The following THRB variants were observed in gnomAD, a reference collection of about 807,000 sequenced individuals.
THRB encodes thyroid hormone receptor beta.
In THRB, 12 loss-of-function variants were observed where a neutral mutation model predicts 47.8. The observed-to-expected ratio is 0.25, with a 90% CI of 0.16 to 0.41. The LOEUF (loss-of-function observed/expected upper bound fraction) is 0.41. THRB is among the 10% of genes least tolerant of loss of function. THRB has a pLI of 1.00. For missense variants in THRB, 348 were observed against 589.2 expected (o/e 0.59, Z 4.24); for synonymous variants, 218 against 212.2 (o/e 1.03, Z -0.24).
chr3:24,135,682 A>C (rs985541574), intron 8 of THRB, among the ~76,000 whole-genome samples: 1 of 151,922 alleles, frequency 6.6e-6, no homozygotes, highest in African/African-American at 2.4e-5. Flanking sequence ...CAGCCTTCAG[A>C]TATCCCTGCT....
chr3:24,338,796 A>G (rs948306017), intron 1 of THRB, among the ~76,000 whole-genome samples: 2 of 152,210 alleles, frequency 1.3e-5, no homozygotes, highest in Non-Finnish European at 2.9e-5. Context: ...TGACTTGCTT[A>G]TTACTAATTT....
intron 1 of THRB, among the ~76,000 whole-genome samples, chr3:24,389,020 A>G (rs1381145757): frequency 6.6e-6 from 1 of 152,190 alleles, no homozygotes; most frequent in Non-Finnish European, 1.5e-5. Context: ...ATAACTGAGT[A>G]GTATCTATTC....
At chr3:24,379,463 T>C (rs2065534419) in intron 1 of THRB, among the ~76,000 whole-genome samples, 1 of 152,120 alleles carries the variant, frequency 6.6e-6, no homozygotes, top group South Asian at 2.1e-4. Context: ...CTAAGTCTGC[T>C]CAAAGTAGAA....
At chr3:24,446,783 C>T (rs2072132334) in intron 1 of THRB, among the ~76,000 whole-genome samples, 1 of 152,072 alleles carries the variant, frequency 6.6e-6, no homozygotes, top group Non-Finnish European at 1.5e-5. Flanking sequence ...GAATCATGGT[C>T]CTCAGAGATG....
At position 24,120,398 on chromosome 3, in the gene THRB, G is replaced by T. The variant is rs1008482115; in HGVS notation, c.*2486C>A. The stretch of plus-strand genomic sequence containing the variant: ...ATGCCATACTATTTGGCCAATTCTC[G>T]ATCATGGTTAGTCCCCAAAGCATTC... On this transcript the variant is annotated 3_prime_UTR_variant, in exon 11 of 11. Transcript: ENST00000646209. 6.6e-6 allele frequency: 1 copy of T among 152,186 alleles called. No individual in the cohort carries two copies. Among genetic ancestry groups the T allele is most frequent in the Non-Finnish European group, 1.5e-5 (1 of 68,044 alleles). The allele number at this position is 152,186 out of a possible 1,614,324, so 9.4% of individuals were successfully genotyped here.
chr3:24,295,572 G>C lies in THRB; in HGVS notation c.-43+1654C>G, dbSNP rs2056375668. The stretch of plus-strand genomic sequence containing the variant: ...ACAATTATTGTGCCAGGAGTTTTTT[G>C]CTTGCAAATTTTATTTCAGTAAGTT... On this transcript the variant is annotated intron_variant, in intron 3 of 10. Coordinates refer to ENST00000646209, the MANE Select transcript of THRB (RefSeq NM_001354712.2). Among the ~76,000 whole-genome samples the C allele has an allele frequency of 2.6e-5, 4 of 152,054 alleles. No individual in the cohort carries two copies. The South Asian group carries it at 8.3e-4, about 32-fold the overall frequency.
chr3:24,443,726 T>G (rs1331222898), intron 1 of THRB, among the ~76,000 whole-genome samples: 1 of 152,192 alleles, frequency 6.6e-6, no homozygotes, highest in Non-Finnish European at 1.5e-5. Flanking sequence ...CAAAAGAAAC[T>G]ATGATACTCC....
intron 2 of THRB, among the ~76,000 whole-genome samples, chr3:24,307,976 C>A (rs1289900852): frequency 6.6e-6 from 1 of 152,154 alleles, no homozygotes; most frequent in Non-Finnish European, 1.5e-5. Flanking sequence ...GCCATCGCTG[C>A]AGCCTCTGTG....
chr3:24,231,451 A>G (rs1302803711), intron 3 of THRB, among the ~76,000 whole-genome samples: 2 of 151,608 alleles, frequency 1.3e-5, no homozygotes, highest in African/African-American at 4.9e-5. Flanking sequence ...TTTGGTACCA[A>G]TTTTTCTGTT....
intron 1 of THRB, among the ~76,000 whole-genome samples, chr3:24,478,792 A>G (rs6792725): frequency 0.71 from 107,565 of 152,056 alleles, 39,314 homozygotes; most frequent in African/African-American, 0.87. Flanking sequence ...CATGATGAAA[A>G]AGCAGCTATA....
chr3:24,407,084 A>G (rs1473936181), intron 1 of THRB, among the ~76,000 whole-genome samples: 1 of 151,848 alleles, frequency 6.6e-6, no homozygotes, highest in Non-Finnish European at 1.5e-5. Flanking sequence ...GAGAAAACAA[A>G]CTTTGGCAGT....
Position 24,360,669 on chromosome 3 carries a change from G to A in THRB, c.-260-23298C>T, listed in dbSNP as rs944755860. Among the ~76,000 whole-genome samples the A allele has an allele frequency of 2.4e-4, 36 of 152,194 alleles. No individual in the cohort carries two copies. The Middle Eastern group carries it at 0.014, about 58-fold the overall frequency. On this transcript the variant is annotated intron_variant, in intron 1 of 10. Coordinates refer to ENST00000646209, the MANE Select transcript of THRB (RefSeq NM_001354712.2). ...CATCAGAAGTTTTCATAGCTCCCCA[G>A]GTAGTTCTATCATGCAGCAAAATTT...
intron 4 of THRB, among the ~76,000 whole-genome samples, chr3:24,218,578 T>C (rs2046853377): frequency 6.6e-6 from 1 of 151,880 alleles, no homozygotes. Flanking sequence ...CGTAATTCTG[T>C]TGGCTGTTTT....
At chr3:24,205,661 A>C (rs1229838163) in intron 4 of THRB, among the ~76,000 whole-genome samples, 1 of 152,212 alleles carries the variant, frequency 6.6e-6, no homozygotes, top group Admixed American at 6.5e-5. Flanking sequence ...TATTAACCTT[A>C]AATGTAAATG....
chr3:24,123,260 T>C, intron 10 of THRB, 135 bp from the exon 11 acceptor site: 1 of 1,257,468 alleles, frequency 8.0e-7, no homozygotes, highest in South Asian at 1.2e-5. Context: ...GGATGCAGCG[T>C]GAACTCTGGT....
chr3:24,405,374 C>T (rs904376134), intron 1 of THRB, among the ~76,000 whole-genome samples: 2 of 151,862 alleles, frequency 1.3e-5, no homozygotes, highest in African/African-American at 4.8e-5. Flanking sequence ...TTTTGAATTA[C>T]AAGGACAGAG....
At chr3:24,449,635 G>A (rs2072446277) in intron 1 of THRB, among the ~76,000 whole-genome samples, 1 of 152,130 alleles carries the variant, frequency 6.6e-6, no homozygotes, top group Non-Finnish European at 1.5e-5. Flanking sequence ...TGTCTGTATG[G>A]TTTAGGGATA....
At chr3:24,233,425 C>T (rs772864578) in intron 3 of THRB, among the ~76,000 whole-genome samples, 13 of 147,218 alleles carry the variant, frequency 8.8e-5, no homozygotes, top group East Asian at 8.0e-4. Context: ...GAGTTTGAGA[C>T]CAGCCTGGTC....
At chr3:24,236,443 T>G (rs2150183228) in intron 3 of THRB, among the ~76,000 whole-genome samples, 1 of 151,680 alleles carries the variant, frequency 6.6e-6, no homozygotes, top group Admixed American at 6.5e-5. Context: ...ATTGGGAGAC[T>G]TCTTTATTAT....
Sources: allele counts gnomAD v4.1 joint callset (sites outside exome capture counted in the v4.1 genomes callset), GRCh38; gene constraint gnomAD v4.1.1; transcripts MANE v1.5; gene names NCBI Gene and HGNC (gene_info 2026-07-23, HGNC 2026-07-21).